Variants in RPL26L1 observed in about 807,000 individuals in gnomAD.
RPL26L1 encodes the protein ribosomal protein L26 like 1.
A neutral mutation model predicts 15.2 loss-of-function variants in RPL26L1; 8 were observed. The observed-to-expected ratio is 0.53, with a 90% CI of 0.31 to 0.95. The LOEUF (loss-of-function observed/expected upper bound fraction) is 0.95, where lower values mean the gene tolerates loss of function less well. Among genes scored for constraint, RPL26L1 ranks in the 40% least tolerant of loss-of-function variants. The pLI is 0.05. For missense variants in RPL26L1, 146 were observed against 190.9 expected, an observed-to-expected ratio of 0.76 and a Z score of 1.39; for synonymous variants, 51 against 65.9, an observed-to-expected ratio of 0.77 and a Z score of 1.09.
In RPL26L1 at chr5:172,959,942, A is replaced by G; in HGVS notation, c.69A>G (p.Ser23=). ...GCAAACGTCACTTCAATGCCCCCTC[A>G]CACGTGCGCAGGAAGATCATGTCAT... The part of the protein sequence containing the change: ...KNRKRHFNAP[S]HVRRKIMSSP... The change falls in exon 2 of 4, where the codon TCA becomes TCG. Residue 23 remains serine, a synonymous_variant. Coordinates refer to ENST00000265100, the MANE Select transcript of RPL26L1 (RefSeq NM_016093.4). 6.2e-7 allele frequency: 1 copy of G among 1,614,208 alleles called. No individual in the cohort carries two copies. The highest frequency in any genetic ancestry group is 8.5e-7 in the Non-Finnish European group (1 of 1,180,036).
chr5:172,968,479 A>G lies in RPL26L1; in HGVS notation c.189A>G (p.Lys63=). 1 of 1,614,090 alleles carries G rather than the reference A, an allele frequency of 6.2e-7. No individual in the cohort carries two copies. Among genetic ancestry groups the G allele is most frequent in the Non-Finnish European group, 8.5e-7 (1 of 1,179,976 alleles). ...CTTAGGTAGTTCGAGGACACTACAAAGGTCAGCAAATTGGCAAGGTAGTCC... is the reference window on the plus strand; with the variant it reads ...CTTAGGTAGTTCGAGGACACTACAAGGGTCAGCAAATTGGCAAGGTAGTCC... ...DEVQVVRGHY[K]GQQIGKVVQV... Residue 63 remains lysine, a synonymous_variant, in exon 3 of 4, where the codon AAA becomes AAG. Transcript: ENST00000265100.
chr5:172,968,883 C>T (rs1027412153), intron 3 of RPL26L1, among the ~76,000 whole-genome samples: 3 of 135,698 alleles, frequency 2.2e-5, no homozygotes, highest in African/African-American at 5.3e-5. Flanking sequence ...TCTCGGCTCA[C>T]TGCAACCTCC....
chr5:172,958,121 G>C (rs1411577994), upstream of RPL26L1: 1 of 306,248 alleles, frequency 3.3e-6, no homozygotes, highest in Non-Finnish European at 6.6e-6. Context: ...AAAATTAGCC[G>C]GGCGTGGTGG....
At chr5:172,965,847 C>G (rs1755430272) in intron 2 of RPL26L1, among the ~76,000 whole-genome samples, 1 of 152,222 alleles carries the variant, frequency 6.6e-6, no homozygotes, top group Non-Finnish European at 1.5e-5. Context: ...AGTTGGCATT[C>G]CAGCTGTGTC....
At position 172,959,466 on chromosome 5, in the gene RPL26L1, C is replaced by T. The variant is rs948159957; in HGVS notation, c.-12C>T. ...CTCAGGGTCTGAGGCAGCTAGTAGC[C>T]GGGTGAGTGGAGGCTGGAGTTTTCT... On this transcript the variant is annotated splice_region_variant and 5_prime_UTR_variant, in exon 1 of 4. Transcript: ENST00000265100. The T allele has an allele frequency of 7.6e-5, 77 of 1,016,976 alleles. No homozygotes were observed. Among genetic ancestry groups the T allele is most frequent in the Non-Finnish European group, 8.3e-5 (70 of 845,950 alleles). 63.0% of individuals were successfully genotyped at this position (1,016,976 alleles called of 1,614,324 possible).
chr5:172,956,037 A>G (rs1301531602), upstream of RPL26L1: 1 of 152,232 alleles, frequency 6.6e-6, no homozygotes, highest in African/African-American at 2.4e-5. Context: ...ACCTGCAGAG[A>G]AAATCTAAAT....
chr5:172,954,495 G>T (rs958877674), upstream of RPL26L1, among the ~76,000 whole-genome samples: 1 of 151,396 alleles, frequency 6.6e-6, no homozygotes, highest in Admixed American at 6.6e-5. Context: ...GGGGGGAAGT[G>T]GGGGGAGTGG....
intron 2 of RPL26L1, among the ~76,000 whole-genome samples, chr5:172,966,113 T>C (rs1013484071): frequency 3.9e-5 from 6 of 151,996 alleles, no homozygotes; most frequent in Non-Finnish European, 7.4e-5. Context: ...GGTTGTCCAC[T>C]TCTCTTTTTA....
chr5:172,958,005 C>T (rs1002648047), upstream of RPL26L1: 4 of 241,934 alleles, frequency 1.7e-5, no homozygotes, highest in Non-Finnish European at 3.4e-5. Context: ...TGGCTCACGC[C>T]TGTAATCCCA....
At position 172,959,934 on chromosome 5, in the gene RPL26L1, G is replaced by T; in HGVS notation, c.61G>T (p.Ala21Ser). The T allele has an allele frequency of 3.7e-6, 6 of 1,614,130 alleles. No individual in the cohort carries two copies. The highest frequency in any genetic ancestry group is 5.1e-6 in the Non-Finnish European group (6 of 1,180,018). The change falls in exon 2 of 4, where the codon GCC (alanine) becomes TCC (serine). Residue 21 changes from alanine to serine, a missense_variant. Ala to Ser is a moderately conservative substitution (Grantham distance 99, BLOSUM62 1). Transcript: ENST00000265100. Reference protein sequence around the residue: ...RSKNRKRHFNAPSHVRRKIMS... With the variant: ...RSKNRKRHFNSPSHVRRKIMS... ...TAAAAACCGCAAACGTCACTTCAAT[G>T]CCCCCTCACACGTGCGCAGGAAGAT...
chr5:172,959,413 C>A, upstream of RPL26L1: 1 of 1,004,312 alleles, frequency 1.0e-6, no homozygotes, highest in Non-Finnish European at 1.2e-6. Flanking sequence ...GCTTGCGCGG[C>A]ACGGAAACTC....
intron 2 of RPL26L1, among the ~76,000 whole-genome samples, chr5:172,966,044 A>C (rs1755436228): frequency 6.6e-6 from 1 of 152,158 alleles, no homozygotes; most frequent in Non-Finnish European, 1.5e-5. Context: ...TCTCCAGTCT[A>C]GTCGACCAGC....
At chr5:172,968,407 T>G in intron 2 of RPL26L1, 52 bp from the exon 3 acceptor site, 1 of 1,597,086 alleles carries the variant, frequency 6.3e-7, no homozygotes, top group Non-Finnish European at 8.6e-7. Context: ...GCTTCCTCTT[T>G]ATGATCATGC....
upstream of RPL26L1, chr5:172,954,919 G>C: frequency 2.2e-6 from 1 of 456,182 alleles, no homozygotes; most frequent in South Asian, 1.5e-5. Context: ...CCAGGGGTGC[G>C]TGACAGGTTG....
At chr5:172,962,013 C>T (rs891630010) in intron 2 of RPL26L1, among the ~76,000 whole-genome samples, 1 of 152,250 alleles carries the variant, frequency 6.6e-6, no homozygotes, top group Non-Finnish European at 1.5e-5. Flanking sequence ...TCCCCAGCTG[C>T]ATATGCCCCT....
intron 2 of RPL26L1, among the ~76,000 whole-genome samples, chr5:172,967,467 A>AAAATAAATAAATAAATAAAT (rs568434838): frequency 1.6e-4 from 24 of 151,958 alleles, no homozygotes; most frequent in African/African-American, 2.7e-4. Flanking sequence ...CTCCGTGTCA[A>AAAATAAATAAATAAATAAAT]AAATAAATAA....
chr5:172,967,873 A>G (rs1755523792), intron 2 of RPL26L1, among the ~76,000 whole-genome samples: 1 of 151,694 alleles, frequency 6.6e-6, no homozygotes, highest in Non-Finnish European at 1.5e-5. Flanking sequence ...ATGTGTATGT[A>G]TATGATACGT....
At chr5:172,958,611 C>T, upstream of RPL26L1, 1 of 335,056 alleles carries the variant, frequency 3.0e-6, no homozygotes, top group Non-Finnish European at 6.2e-6. Flanking sequence ...GTTGATCTCC[C>T]TCACAGCTCC....
chr5:172,968,160 A>T (rs1308985271), intron 2 of RPL26L1, among the ~76,000 whole-genome samples: 1 of 152,112 alleles, frequency 6.6e-6, no homozygotes, highest in Non-Finnish European at 1.5e-5. Context: ...CGAATAAGGG[A>T]TACTTGACAT....
Sources: allele counts gnomAD v4.1 joint callset (sites outside exome capture counted in the v4.1 genomes callset), GRCh38; gene constraint gnomAD v4.1.1; transcripts MANE v1.5; gene names NCBI Gene and HGNC (gene_info 2026-07-23, HGNC 2026-07-21).